The following GPC6 variants were observed in gnomAD, a reference collection of about 807,000 sequenced individuals.
The protein encoded by GPC6 is glypican 6.
A neutral mutation model predicts 55.2 loss-of-function variants in GPC6; 14 were observed. The ratio of observed to expected loss-of-function variants is 0.25; its 90% CI spans 0.17 to 0.40. GPC6 has a LOEUF of 0.40. GPC6 is among the 10% of genes least tolerant of loss of function. The pLI is 1.00. For synonymous variants in GPC6, 278 were observed against 259.6 expected (o/e 1.07, Z -0.68); for missense variants, 641 against 708.5 (o/e 0.90, Z 1.08).
chr13:94,073,588 T>G (rs1435083198), intron 4 of GPC6, among the ~76,000 whole-genome samples: 1 of 152,126 alleles, frequency 6.6e-6, no homozygotes, highest in Non-Finnish European at 1.5e-5. Context: ...AACCTCGGGT[T>G]ATAGAAAAGA....
At chr13:94,284,852 T>C (rs1407639541) in intron 4 of GPC6, among the ~76,000 whole-genome samples, 1 of 146,650 alleles carries the variant, frequency 6.8e-6, no homozygotes. Context: ...ATTAGTGTTT[T>C]TATTGTGGAT....
intron 6 of GPC6, among the ~76,000 whole-genome samples, chr13:94,377,588 A>C (rs1335837098): frequency 2.7e-5 from 4 of 149,754 alleles, no homozygotes; most frequent in Non-Finnish European, 6.0e-5. Flanking sequence ...ACACTTTTAC[A>C]CTGTTGGTGG....
chr13:94,087,984 G>T (rs1385703836), intron 4 of GPC6, among the ~76,000 whole-genome samples: 1 of 152,124 alleles, frequency 6.6e-6, no homozygotes, highest in Non-Finnish European at 1.5e-5. Flanking sequence ...TCTGGCTTTT[G>T]AACCTTTTAA....
intron 3 of GPC6, among the ~76,000 whole-genome samples, chr13:93,899,800 T>C (rs1022978322): frequency 1.3e-5 from 2 of 152,096 alleles, no homozygotes; most frequent in Admixed American, 1.3e-4. Context: ...TTTGAGGAAA[T>C]TGAAAAATCA....
At chr13:93,542,999 A>T (rs1274453578) in intron 1 of GPC6, among the ~76,000 whole-genome samples, 1 of 152,078 alleles carries the variant, frequency 6.6e-6, no homozygotes, top group Non-Finnish European at 1.5e-5. Flanking sequence ...CTCTTTTCCT[A>T]ATTGAATACA....
At chr13:93,539,635 A>G (rs960013963) in intron 1 of GPC6, among the ~76,000 whole-genome samples, 5 of 152,118 alleles carry the variant, frequency 3.3e-5, no homozygotes, top group African/African-American at 1.2e-4. Context: ...TAGCACAAGG[A>G]TAAATCTGTG....
chr13:93,681,457 AG>A (rs1181345521), intron 2 of GPC6, among the ~76,000 whole-genome samples: 1 of 152,174 alleles, frequency 6.6e-6, no homozygotes. Context: ...AAACTGATTA[AG>A]GAAGATACGG....
intron 4 of GPC6, among the ~76,000 whole-genome samples, chr13:94,252,292 C>T (rs1159252496): frequency 3.9e-5 from 6 of 152,130 alleles, no homozygotes; most frequent in Non-Finnish European, 7.4e-5. Flanking sequence ...GCCCTCCATA[C>T]TGGCTGCTAA....
chr13:94,178,672 C>G (rs1888874923), intron 4 of GPC6, among the ~76,000 whole-genome samples: 1 of 152,286 alleles, frequency 6.6e-6, no homozygotes, highest in South Asian at 2.1e-4. Flanking sequence ...TTCAAAAGAT[C>G]ACTTTACTCA....
intron 4 of GPC6, among the ~76,000 whole-genome samples, chr13:94,266,314 G>T (rs1396055562): frequency 6.6e-6 from 1 of 151,940 alleles, no homozygotes; most frequent in Non-Finnish European, 1.5e-5. Context: ...GACTACAGGC[G>T]CCCGCCACCA....
At position 93,539,228 on chromosome 13, in the gene GPC6, C is replaced by T. The variant is rs555057229; in HGVS notation, c.161-6035C>T. On this transcript the variant is annotated intron_variant, in intron 1 of 8. Transcript: ENST00000377047. Reference sequence around the variant, plus strand: ...TGGACCATTTGCTTTTGATAGTCAACTTATTCTATCCTAGGGTCTTTAGCT... The same window carrying T: ...TGGACCATTTGCTTTTGATAGTCAATTTATTCTATCCTAGGGTCTTTAGCT... Among the ~76,000 whole-genome samples, 8 of 152,216 alleles carry T rather than the reference C, an allele frequency of 5.3e-5. No homozygotes were observed. The South Asian group carries it at 1.7e-3, about 32-fold the overall frequency.
chr13:94,121,123 C>G (rs537607011), intron 4 of GPC6, among the ~76,000 whole-genome samples: 2 of 152,126 alleles, frequency 1.3e-5, no homozygotes, highest in African/African-American at 4.8e-5. Context: ...TCTTTCAGAG[C>G]CTAGTCATGA....
chr13:93,348,422 A>AT (rs1880503376), intron 1 of GPC6, among the ~76,000 whole-genome samples: 1 of 152,154 alleles, frequency 6.6e-6, no homozygotes, highest in African/African-American at 2.4e-5. Context: ...TCTACATTGC[A>AT]TTTTTCAGTC....
intron 2 of GPC6, among the ~76,000 whole-genome samples, chr13:93,732,650 A>G (rs893678611): frequency 1.3e-5 from 2 of 152,164 alleles, no homozygotes; most frequent in East Asian, 1.9e-4. Context: ...TCTGAAACAA[A>G]TTCAATAAAT....
At chr13:93,478,478 G>C (rs541935573) in intron 1 of GPC6, among the ~76,000 whole-genome samples, 1 of 152,238 alleles carries the variant, frequency 6.6e-6, no homozygotes, top group East Asian at 1.9e-4. Context: ...CACCAACACA[G>C]GCATAATTTA....
intron 2 of GPC6, among the ~76,000 whole-genome samples, chr13:93,643,064 C>A (rs1880024725): frequency 6.6e-6 from 1 of 152,092 alleles, no homozygotes; most frequent in Non-Finnish European, 1.5e-5. Flanking sequence ...CTATTTTAAT[C>A]ACTAAAATAT....
At chr13:93,286,289 C>A (rs1878121544) in intron 1 of GPC6, among the ~76,000 whole-genome samples, 1 of 152,166 alleles carries the variant, frequency 6.6e-6, no homozygotes. Context: ...AAGCTGCCCC[C>A]ACGATTCAGT....
At chr13:93,943,324 A>G (rs1878827009) in intron 3 of GPC6, among the ~76,000 whole-genome samples, 1 of 152,148 alleles carries the variant, frequency 6.6e-6, no homozygotes, top group Non-Finnish European at 1.5e-5. Flanking sequence ...TCAAAATCAA[A>G]TGGCTCAACA....
At chr13:93,384,622 A>T (rs1284042443) in intron 1 of GPC6, among the ~76,000 whole-genome samples, 1 of 152,228 alleles carries the variant, frequency 6.6e-6, no homozygotes, top group Non-Finnish European at 1.5e-5. Context: ...ATTCTTTAAA[A>T]CTTGAACTGA....
Sources: gnomAD v4.1 joint callset for allele counts (sites outside exome capture counted in the v4.1 genomes callset) on GRCh38, gnomAD v4.1.1 for gene constraint, MANE v1.5 for transcripts, NCBI Gene and HGNC (gene_info 2026-07-23, HGNC 2026-07-21) for gene names.